Variants in PCNX2 observed in about 807,000 individuals in gnomAD.
PCNX2 encodes pecanex-like protein 2.
Under a neutral mutation model 223.8 loss-of-function variants are expected in PCNX2, and 168 were observed. The observed-to-expected ratio is 0.75, with a 90% CI of 0.66 to 0.85. The LOEUF (loss-of-function observed/expected upper bound fraction) is 0.85, where lower values mean the gene tolerates loss of function less well. Among genes scored for constraint, PCNX2 ranks in the 40% least tolerant of loss-of-function variants. PCNX2 has a pLI of 0.00. For missense variants in PCNX2, 2,507 were observed against 2,675.5 expected (o/e 0.94, Z 1.39); for synonymous variants, 1,006 against 1,052.6 (o/e 0.96, Z 0.86).
chr1:233,112,905 A>G (rs1478150326), intron 21 of PCNX2: 1 of 1,289,308 alleles, frequency 7.8e-7, no homozygotes, highest in African/African-American at 1.5e-5. Flanking sequence ...CATGAGATGA[A>G]CTGCAGTAAC....
intron 25 of PCNX2, among the ~76,000 whole-genome samples, chr1:233,032,629 T>C (rs1250615051): frequency 2.0e-5 from 3 of 151,748 alleles, no homozygotes; most frequent in Non-Finnish European, 2.9e-5. Context: ...ATTGCATGAG[T>C]ATGTGTGTGA....
chr1:233,260,513 A>G (rs1255846488), intron 4 of PCNX2, among the ~76,000 whole-genome samples: 12 of 152,180 alleles, frequency 7.9e-5, no homozygotes, highest in Admixed American at 7.9e-4. Flanking sequence ...ACTCATGTGA[A>G]TTTATTTCAG....
At chr1:233,074,692 T>C (rs971581384) in intron 23 of PCNX2, among the ~76,000 whole-genome samples, 1 of 146,450 alleles carries the variant, frequency 6.8e-6, no homozygotes, top group East Asian at 2.1e-4. Context: ...AGAGTACAAC[T>C]ATCTGAAATA....
chr1:233,231,800 C>T (rs912157358), intron 9 of PCNX2: 16 of 373,116 alleles, frequency 4.3e-5, no homozygotes, highest in Non-Finnish European at 5.5e-5. Context: ...AGAGTGGCTG[C>T]CAAGGAGGAT....
chr1:233,251,265 T>C (rs1247649463), intron 7 of PCNX2, among the ~76,000 whole-genome samples: 1 of 152,220 alleles, frequency 6.6e-6, no homozygotes, highest in Non-Finnish European at 1.5e-5. Flanking sequence ...CAGTTTTGAT[T>C]GGTGGACCGC....
intron 22 of PCNX2, among the ~76,000 whole-genome samples, chr1:233,094,864 G>A (rs1422016595): frequency 7.9e-5 from 12 of 152,072 alleles, no homozygotes; most frequent in Admixed American, 6.5e-4. Context: ...CTAGGATCCC[G>A]CCCAGTGAAA....
rs141200222 is a variant in PCNX2 at position 233,253,958 on chromosome 1, G to C, written c.1835-1170C>G. Among the ~76,000 whole-genome samples the C allele has an allele frequency of 8.5e-4, 130 of 152,246 alleles. 5 individuals are homozygous for C. The East Asian group carries it at 0.02, about 23-fold the overall frequency. ...CATGACTTACTCTGAGTAAATGATT[G>C]GCTCTTAAGCTCAACAGCCTGTGCC... On this transcript the variant is annotated intron_variant, in intron 5 of 33. Coordinates refer to ENST00000258229, the MANE Select transcript of PCNX2 (RefSeq NM_014801.4). This position sits in a 1 kb window ranked among gnomAD's most constrained non-coding sequence, Gnocchi z 4.2.
intron 8 of PCNX2, among the ~76,000 whole-genome samples, chr1:233,240,165 G>T (rs541074349): frequency 6.6e-6 from 1 of 152,246 alleles, no homozygotes; most frequent in East Asian, 1.9e-4. Flanking sequence ...ATTCTCTGGT[G>T]TCCTGATAGT....
intron 26 of PCNX2, among the ~76,000 whole-genome samples, chr1:233,022,567 T>C (rs1159302929): frequency 6.7e-6 from 1 of 150,286 alleles, no homozygotes; most frequent in African/African-American, 2.5e-5. Context: ...GGAGCACAGG[T>C]AGTGTGTGCA....
At position 233,234,959 on chromosome 1, in the gene PCNX2, C is replaced by G. The variant is rs559453039; in HGVS notation, c.2358+1886G>C. On this transcript the variant is annotated intron_variant, in intron 9 of 33. Coordinates refer to ENST00000258229, the MANE Select transcript of PCNX2 (RefSeq NM_014801.4). The stretch of plus-strand genomic sequence containing the variant: ...GGCTGACAGTGTGTGCAGAACACAG[C>G]TAGGGCAAATGGCAGGGTCTCCGGT... 4.6e-5 allele frequency among the ~76,000 whole-genome samples: 7 copies of G among 151,886 alleles called. No homozygotes were observed. The East Asian group carries it at 7.8e-4, about 17-fold the overall frequency.
At chr1:233,069,997 G>A (rs1364332349) in intron 23 of PCNX2, among the ~76,000 whole-genome samples, 1 of 151,958 alleles carries the variant, frequency 6.6e-6, no homozygotes, top group Non-Finnish European at 1.5e-5. Flanking sequence ...CAAAGAAAAG[G>A]GGAGAGAAAA....
In PCNX2 at chr1:233,139,757, T is replaced by A. The variant is rs1184339431; in HGVS notation, c.3616A>T (p.Ile1206Phe). The change falls in exon 20 of 34, where the codon ATT (isoleucine) becomes TTT (phenylalanine). Residue 1206 changes from isoleucine to phenylalanine, a missense_variant. Physicochemically the swap from Ile to Phe is conservative, Grantham distance 21 (BLOSUM62 0). Coordinates refer to ENST00000258229, the MANE Select transcript of PCNX2 (RefSeq NM_014801.4). This position sits in a 1 kb window ranked among gnomAD's most constrained non-coding sequence, Gnocchi z 4.4. ...YPALILNALT[I>F]DAFLISNHRR... ...TGATTGCTTATTAAAAATGCATCAA[T>A]AGTGAGGGCATTCAAAATTAGCGCT... 1 of 1,610,708 alleles carries A rather than the reference T, an allele frequency of 6.2e-7. No individual in the cohort carries two copies. The highest frequency in any genetic ancestry group is 1.7e-5 in the Admixed American group (1 of 59,552).
At chr1:233,144,835 A>AT (rs1312384788) in intron 19 of PCNX2, among the ~76,000 whole-genome samples, 5 of 151,764 alleles carry the variant, frequency 3.3e-5, no homozygotes, top group Non-Finnish European at 5.9e-5. Context: ...TTATGGTTAG[A>AT]TTTTCACTCT....
At chr1:233,011,206 A>G (rs1670457603) in intron 28 of PCNX2, among the ~76,000 whole-genome samples, 1 of 152,244 alleles carries the variant, frequency 6.6e-6, no homozygotes, top group African/African-American at 2.4e-5. Flanking sequence ...ATATATCATG[A>G]CCAAGTAGAG....
At chr1:233,255,871 AC>A (rs1353322515) in intron 5 of PCNX2, among the ~76,000 whole-genome samples, 1 of 152,242 alleles carries the variant, frequency 6.6e-6, no homozygotes, top group Non-Finnish European at 1.5e-5. Flanking sequence ...AATAACAAAT[AC>A]TTTAGTGAAA....
rs948350821 is a variant in PCNX2 at position 233,126,980 on chromosome 1, T to C, written c.3837+8033A>G. Among the ~76,000 whole-genome samples, 4 of 152,118 alleles carry C rather than the reference T, an allele frequency of 2.6e-5. No homozygotes were observed. Among genetic ancestry groups the C allele is most frequent in the African/African-American group, 4.8e-5 (2 of 41,408 alleles). The stretch of plus-strand genomic sequence containing the variant: ...TGATCACTAAACGTAATCAATTCTC[T>C]CTCAAACGCCTCCTGAATTTGTTCC... On this transcript the variant is annotated intron_variant, in intron 21 of 33. Transcript: ENST00000258229. The surrounding 1 kb of genome is among the most constrained non-coding windows in gnomAD (Gnocchi z 4.8).
chr1:233,117,736 C>T (rs1675499145), intron 21 of PCNX2, among the ~76,000 whole-genome samples: 2 of 151,622 alleles, frequency 1.3e-5, no homozygotes, highest in Admixed American at 1.3e-4. Flanking sequence ...ATAGGCCAGG[C>T]GCGGTGGCTC....
chr1:233,289,154 C>T, intron 1 of PCNX2: 2 of 846,082 alleles, frequency 2.4e-6, no homozygotes, highest in Admixed American at 3.4e-5. Context: ...GCAGGATTCT[C>T]CTTTAAGCGA....
At chr1:233,244,116 A>G (rs1658957493) in intron 8 of PCNX2, among the ~76,000 whole-genome samples, 1 of 152,236 alleles carries the variant, frequency 6.6e-6, no homozygotes, top group Non-Finnish European at 1.5e-5. Context: ...GGCATGAGCC[A>G]CCACACCAGG....
Sources: allele counts gnomAD v4.1 joint callset (sites outside exome capture counted in the v4.1 genomes callset), GRCh38; gene constraint gnomAD v4.1.1; non-coding constraint Gnocchi (gnomAD v3.1); transcripts MANE v1.5; gene names NCBI Gene and HGNC (gene_info 2026-07-23, HGNC 2026-07-21).